The following DSC2 variants were observed in gnomAD, a reference collection of about 807,000 sequenced individuals.
DSC2 encodes desmocollin-2.
DSC2 carries 51 observed loss-of-function variants against 87.6 expected under a neutral mutation model. The observed-to-expected ratio is 0.58, with a 90% CI of 0.46 to 0.74. The LOEUF is 0.74. DSC2 is among the 30% of genes least tolerant of loss of function. The pLI, the probability that DSC2 is intolerant of heterozygous loss-of-function variation, is 0.00. For missense variants in DSC2, 1,066 were observed against 1,089.5 expected (o/e 0.98, Z 0.30); for synonymous variants, 383 against 393.2 (o/e 0.97, Z 0.31).
intron 11 of DSC2, among the ~76,000 whole-genome samples, chr18:31,075,713 G>A (rs1392258826): frequency 2.0e-5 from 3 of 152,128 alleles, no homozygotes; most frequent in Admixed American, 6.5e-5. Context: ...AGCCAGGCAT[G>A]GTGGCACATG....
chr18:31,083,903 T>A (rs543992627), intron 7 of DSC2, among the ~76,000 whole-genome samples: 1 of 152,332 alleles, frequency 6.6e-6, no homozygotes, highest in Admixed American at 6.5e-5. Flanking sequence ...GTAATAATGC[T>A]TTCCGGACTG....
At position 31,065,264 on chromosome 18, in the gene DSC2, T is replaced by C. The variant is rs920600516; in HGVS notation, c.*2751A>G. On this transcript the variant is annotated 3_prime_UTR_variant, in exon 16 of 16. Coordinates refer to ENST00000280904, the MANE Select transcript of DSC2 (RefSeq NM_024422.6). ...CTGGGAAAGGTGAATAAGAGCATCA[T>C]GGCAAGATGTCAGCAGTAAAGCAGA... 7 of 152,216 alleles carry C rather than the reference T, an allele frequency of 4.6e-5. No individual in the cohort carries two copies. Among genetic ancestry groups the C allele is most frequent in the African/African-American group, 1.7e-4 (7 of 41,456 alleles). The allele number at this position is 152,216 out of a possible 1,614,324, so 9.4% of individuals were successfully genotyped here. A position where few individuals can be genotyped will look rare whatever the true frequency, so the allele number is the denominator to read the frequency against.
In DSC2 at chr18:31,071,582, T is replaced by A. The variant is rs761526801; in HGVS notation, c.2125+23A>T. 8.1e-6 allele frequency: 13 copies of A among 1,603,964 alleles called. No individual in the cohort carries two copies. In the Admixed American group the frequency reaches 1.0e-4, roughly 12 times the overall value. On this transcript the variant is annotated intron_variant, in intron 13 of 15. Coordinates refer to ENST00000280904, the MANE Select transcript of DSC2 (RefSeq NM_024422.6). ...TTACTTTAAAGGGTATTATTTGAAT[T>A]CAAGAAAGGACTTAAGACTTACAAA...
intron 1 of DSC2, chr18:31,101,122 C>G (rs968130716): frequency 1.7e-5 from 16 of 949,136 alleles, no homozygotes; most frequent in Non-Finnish European, 1.9e-5. Context: ...CGAGTCGCCT[C>G]TGGGGACAAG....
Position 31,071,880 on chromosome 18 carries a change from G to T in DSC2, c.1889-39C>A, listed in dbSNP as rs772112403. 2.6e-6 allele frequency: 4 copies of T among 1,520,786 alleles called. No individual in the cohort carries two copies. In the South Asian group the frequency reaches 3.4e-5, roughly 13 times the overall value. The allele number at this position is 1,520,786 out of a possible 1,614,324, so 94.2% of individuals were successfully genotyped here. A position where few individuals can be genotyped will look rare whatever the true frequency, so the allele number is the denominator to read the frequency against. On this transcript the variant is annotated intron_variant, in intron 12 of 15. Transcript: ENST00000280904. ...TAAATAAAACCAAACATTATACAAT[G>T]TCACTGATTTCTTCTGAACATAAAT...
intron 1 of DSC2, among the ~76,000 whole-genome samples, chr18:31,095,013 C>T (rs139384007): frequency 2.8e-4 from 42 of 152,230 alleles, no homozygotes; most frequent in South Asian, 8.3e-4. Context: ...CCTTGCCTCA[C>T]GAAGATTACA....
intron 1 of DSC2, 69 bp from the exon 2 acceptor site, chr18:31,093,712 T>C (rs1342053935): frequency 1.4e-5 from 10 of 715,908 alleles, no homozygotes; most frequent in Non-Finnish European, 1.9e-5. Flanking sequence ...ATATTATTTA[T>C]ATAAATTATA....
At chr18:31,077,110 G>A (rs1357657172) in intron 11 of DSC2, among the ~76,000 whole-genome samples, 1 of 152,104 alleles carries the variant, frequency 6.6e-6, no homozygotes, top group Non-Finnish European at 1.5e-5. Flanking sequence ...GAAGAAAAAA[G>A]AGCTAGGAGA....
intron 3 of DSC2, among the ~76,000 whole-genome samples, 187 bp from the exon 4 acceptor site, chr18:31,091,334 T>C (rs1193595582): frequency 6.6e-6 from 1 of 152,270 alleles, no homozygotes; most frequent in African/African-American, 2.4e-5. Flanking sequence ...GTCCTAACTG[T>C]TATCACAACA....
intron 12 of DSC2, among the ~76,000 whole-genome samples, chr18:31,073,525 T>A (rs1986903475): frequency 6.6e-6 from 1 of 152,162 alleles, no homozygotes; most frequent in South Asian, 2.1e-4. Flanking sequence ...CCCATCCTGT[T>A]CTCCCTTTAC....
At chr18:31,075,682 C>T (rs1598576924) in intron 11 of DSC2, among the ~76,000 whole-genome samples, 2 of 152,204 alleles carry the variant, frequency 1.3e-5, no homozygotes, top group South Asian at 4.1e-4. Context: ...GAAAGCCTAT[C>T]TCTACTAAAA....
rs1270458336 is a variant in DSC2 at position 31,060,581 on chromosome 18, G to A, written c.*7434C>T. 1 of 152,132 alleles carries A rather than the reference G, an allele frequency of 6.6e-6. No individual in the cohort carries two copies. Among genetic ancestry groups the A allele is most frequent in the Non-Finnish European group, 1.5e-5 (1 of 68,034 alleles). 9.4% of individuals were successfully genotyped at this position (152,132 alleles called of 1,614,324 possible). On this transcript the variant is annotated 3_prime_UTR_variant, in exon 16 of 16. Transcript: ENST00000280904. ...GATGCCAAACAGTTGCTGCCTTCTG[G>A]ACAGTCACTTGTTCCACCTGCTGTT...
chr18:31,064,465 T>C lies in DSC2; in HGVS notation c.*3550A>G, dbSNP rs571086953. 1 of 152,284 alleles carries C rather than the reference T, an allele frequency of 6.6e-6. No homozygotes were observed. The highest frequency in any genetic ancestry group is 2.1e-4 in the South Asian group (1 of 4,824). 9.4% of individuals were successfully genotyped at this position (152,284 alleles called of 1,614,324 possible). ...AATTGTGTCTACAATTCTCAAAAGT[T>C]TGGCAGTTTTTGGCAAAAAATAGAG... On this transcript the variant is annotated 3_prime_UTR_variant, in exon 16 of 16. Coordinates refer to ENST00000280904, the MANE Select transcript of DSC2 (RefSeq NM_024422.6).
rs1027797751 is a variant in DSC2, at chr18:31,085,620, A to G, written c.942+956T>C. On this transcript the variant is annotated intron_variant, in intron 7 of 15. Coordinates refer to ENST00000280904, the MANE Select transcript of DSC2 (RefSeq NM_024422.6). Reference sequence around the variant, plus strand: ...TATTCAACAATATTTAACAATATGTAATAATGTCAAGCATTGGTCTTGAGA... The same window carrying G: ...TATTCAACAATATTTAACAATATGTGATAATGTCAAGCATTGGTCTTGAGA... Among the ~76,000 whole-genome samples the G allele has an allele frequency of 2.0e-5, 3 of 151,990 alleles. No individual in the cohort carries two copies. The East Asian group carries it at 5.8e-4, about 29-fold the overall frequency.
At chr18:31,081,266 T>A (rs993451583) in intron 9 of DSC2, among the ~76,000 whole-genome samples, 1 of 152,300 alleles carries the variant, frequency 6.6e-6, no homozygotes, top group Middle Eastern at 3.4e-3. Context: ...TTTTTTTATG[T>A]GTGTCTTCCA....
At chr18:31,072,142 T>G (rs1032031599) in intron 12 of DSC2, among the ~76,000 whole-genome samples, 9 of 152,252 alleles carry the variant, frequency 5.9e-5, no homozygotes, top group African/African-American at 2.2e-4. Flanking sequence ...ATAGACTTGT[T>G]AATAGATTAG....
In DSC2 at chr18:31,067,910, G is replaced by A; in HGVS notation, c.*105C>T. ...AAGAGATTCCATCCAAATAATGAGAGAAAAACCCCCACAAATAGCATCTTC... is the reference window on the plus strand; with the variant it reads ...AAGAGATTCCATCCAAATAATGAGAAAAAAACCCCCACAAATAGCATCTTC... On this transcript the variant is annotated 3_prime_UTR_variant, in exon 16 of 16. Coordinates refer to ENST00000280904, the MANE Select transcript of DSC2 (RefSeq NM_024422.6). 9.5e-7 allele frequency: 1 copy of A among 1,050,326 alleles called. No homozygotes were observed. Among genetic ancestry groups the A allele is most frequent in the South Asian group, 1.4e-5 (1 of 72,472 alleles). The allele number at this position is 1,050,326 out of a possible 1,614,324, so 65.1% of individuals were successfully genotyped here. A position where few individuals can be genotyped will look rare whatever the true frequency, so the allele number is the denominator to read the frequency against.
chr18:31,064,283 A>T lies in DSC2; in HGVS notation c.*3732T>A, dbSNP rs1192519884. The T allele has an allele frequency of 6.6e-6, 1 of 152,144 alleles. No homozygotes were observed. The highest frequency in any genetic ancestry group is 1.5e-5 in the Non-Finnish European group (1 of 68,036). 9.4% of individuals were successfully genotyped at this position (152,144 alleles called of 1,614,324 possible). A position where few individuals can be genotyped will look rare whatever the true frequency, so the allele number is the denominator to read the frequency against. ...CACTCCTTACATCCACCGTGTCTTG[A>T]CTTGCATTCAAGTGTGTGGGTGGGG... is the stretch of plus-strand genomic sequence containing the variant. On this transcript the variant is annotated 3_prime_UTR_variant, in exon 16 of 16. Coordinates refer to ENST00000280904, the MANE Select transcript of DSC2 (RefSeq NM_024422.6).
intron 9 of DSC2, among the ~76,000 whole-genome samples, chr18:31,081,285 C>G (rs1296018910): frequency 6.6e-6 from 1 of 152,030 alleles, no homozygotes; most frequent in East Asian, 1.9e-4. Flanking sequence ...CATTCCAGTT[C>G]CTGTCTTAAA....
Sources: gnomAD v4.1 joint callset for allele counts (sites outside exome capture counted in the v4.1 genomes callset) on GRCh38, gnomAD v4.1.1 for gene constraint, MANE v1.5 for transcripts, NCBI Gene and HGNC (gene_info 2026-07-23, HGNC 2026-07-21) for gene names.